Variants in NEK6 observed in about 807,000 individuals in gnomAD.
NEK6 encodes the protein NIMA related kinase 6.
Under a neutral mutation model 43.5 loss-of-function variants are expected in NEK6, and 27 were observed. The observed-to-expected ratio is 0.62, with a 90% CI of 0.46 to 0.86. The LOEUF is 0.86. Ranked by LOEUF, NEK6 falls within the 40% of genes least tolerant of loss-of-function variation. The pLI is 0.00. For missense variants in NEK6, 318 were observed against 414.4 expected (o/e 0.77, Z 2.02); for synonymous variants, 167 against 164.1 (o/e 1.02, Z -0.14).
chr9:124,291,764 C>T (rs1202003072), intron 1 of NEK6: 2 of 955,094 alleles, frequency 2.1e-6, no homozygotes, highest in South Asian at 4.8e-5. Context: ...CTACACTGGT[C>T]TAATCGGGTG....
At chr9:124,314,165 C>T (rs1241390866) in intron 4 of NEK6, among the ~76,000 whole-genome samples, 180 bp downstream of exon 4, 4 of 152,184 alleles carry the variant, frequency 2.6e-5, no homozygotes, top group Non-Finnish European at 5.9e-5. Flanking sequence ...CAGGCAGGAG[C>T]GGCCCGCCTC....
At chr9:124,313,793 AG>A (rs71490843) in intron 3 of NEK6, 129 bp from the exon 4 acceptor site, 312 of 819,414 alleles carry the variant, frequency 3.8e-4, no homozygotes, top group Non-Finnish European at 4.5e-4. Flanking sequence ...CTGGGAGTGC[AG>A]GGGGGGGTCA....
At chr9:124,299,912 C>A (rs1306757413) in intron 1 of NEK6, 1 of 152,124 alleles carries the variant, frequency 6.6e-6, no homozygotes, top group African/African-American at 2.4e-5. Context: ...CAGCGAGGGC[C>A]CCCCTGACCC....
chr9:124,287,053 G>A (rs1564623036), intron 1 of NEK6, among the ~76,000 whole-genome samples: 2 of 152,164 alleles, frequency 1.3e-5, no homozygotes, highest in East Asian at 1.9e-4. Flanking sequence ...CCCTGGCTGC[G>A]GGGGACAGAG....
intron 8 of NEK6, among the ~76,000 whole-genome samples, chr9:124,342,344 C>T (rs774201768): frequency 2.0e-5 from 3 of 152,218 alleles, no homozygotes; most frequent in African/African-American, 4.8e-5. Context: ...AATTAGAGCA[C>T]GTGTCTGTGT....
At chr9:124,271,993 G>A (rs1324189368) in intron 1 of NEK6, among the ~76,000 whole-genome samples, 3 of 152,246 alleles carry the variant, frequency 2.0e-5, no homozygotes, top group South Asian at 2.1e-4. Flanking sequence ...GCTTGTTACC[G>A]CCCACTCAGG....
intron 2 of NEK6, among the ~76,000 whole-genome samples, chr9:124,309,196 G>A (rs998781872): frequency 2.0e-5 from 3 of 152,190 alleles, no homozygotes; most frequent in Non-Finnish European, 4.4e-5. Context: ...CCCAGCACAC[G>A]TGCTCCATCT....
chr9:124,263,701 C>T (rs559095063), intron 1 of NEK6, among the ~76,000 whole-genome samples: 33 of 152,290 alleles, frequency 2.2e-4, no homozygotes, highest in South Asian at 4.1e-4. Context: ...AAGCAGGTGC[C>T]GGGGACCCCT....
chr9:124,313,081 G>T (rs1588498468), intron 3 of NEK6, among the ~76,000 whole-genome samples: 1 of 152,194 alleles, frequency 6.6e-6, no homozygotes, highest in South Asian at 2.1e-4. Flanking sequence ...CCTCCTAAAT[G>T]GAGGAAGTAG....
chr9:124,328,658 C>T (rs950432540), intron 7 of NEK6, among the ~76,000 whole-genome samples: 2 of 152,230 alleles, frequency 1.3e-5, no homozygotes, highest in African/African-American at 4.8e-5. Context: ...ATTGTCTGGG[C>T]GGAGGCACTT....
intron 1 of NEK6, among the ~76,000 whole-genome samples, chr9:124,291,598 C>T (rs1251831739): frequency 1.3e-5 from 2 of 152,250 alleles, no homozygotes; most frequent in African/African-American, 4.8e-5. Context: ...TGTACTCCAG[C>T]CTGGGCAACA....
Position 124,345,980 on chromosome 9 carries a change from A to G in NEK6, c.718-1729A>G, listed in dbSNP as rs186322311. Among the ~76,000 whole-genome samples, 20 of 152,146 alleles carry G rather than the reference A, an allele frequency of 1.3e-4. No individual in the cohort carries two copies. The East Asian group carries it at 2.3e-3, about 18-fold the overall frequency. Reference sequence around the variant, plus strand: ...ATGGGCAGGGCCTCTGCATCCTCACACTTCCCCTGCCTGGCCAGACCCTCC... The same window carrying G: ...ATGGGCAGGGCCTCTGCATCCTCACGCTTCCCCTGCCTGGCCAGACCCTCC... On this transcript the variant is annotated intron_variant, in intron 8 of 9. Coordinates refer to ENST00000320246, the MANE Select transcript of NEK6 (RefSeq NM_014397.6).
intron 4 of NEK6, among the ~76,000 whole-genome samples, chr9:124,317,568 G>A (rs1043099921): frequency 1.3e-5 from 2 of 152,144 alleles, no homozygotes; most frequent in African/African-American, 2.4e-5. Flanking sequence ...ACACATGCAG[G>A]TTTGTTACAA....
In NEK6 at chr9:124,351,148, C is replaced by CA. The variant is rs1830255944; in HGVS notation, c.*202dup. 1 of 541,162 alleles carries CA rather than the reference C, an allele frequency of 1.8e-6. No homozygotes were observed. Among genetic ancestry groups the CA allele is most frequent in the African/African-American group, 1.9e-5 (1 of 52,454 alleles). 33.5% of individuals were successfully genotyped at this position (541,162 alleles called of 1,614,324 possible). Reference sequence around the variant, plus strand: ...GCGCTGGCCACATGTCACTGATGGTCAGATTCCAAAGTCCTTTCTTTATAC... The same window carrying CA: ...GCGCTGGCCACATGTCACTGATGGTCAAGATTCCAAAGTCCTTTCTTTATAC... On this transcript the variant is annotated 3_prime_UTR_variant, in exon 10 of 10. Transcript: ENST00000320246.
intron 5 of NEK6, among the ~76,000 whole-genome samples, chr9:124,322,874 C>T (rs1299362913): frequency 1.3e-5 from 2 of 152,272 alleles, no homozygotes; most frequent in Admixed American, 6.5e-5. Flanking sequence ...TGGGAAGTGG[C>T]ATTACTTGAG....
At position 124,350,840 on chromosome 9, in the gene NEK6, C is replaced by A; in HGVS notation, c.835C>A (p.Arg279=). 6.2e-7 allele frequency: 1 copy of A among 1,610,670 alleles called. No homozygotes were observed. The highest frequency in any genetic ancestry group is 8.5e-7 in the Non-Finnish European group (1 of 1,178,024). The stretch of plus-strand genomic sequence containing the variant: ...CACACCATTCTCTCCCCTGCAGTTA[C>A]GAGAACTGGTCAGCATGTGCATCTG... The part of the protein sequence containing the change: ...LPGEHYSEKL[R]ELVSMCICPD... The change falls in exon 10 of 10, where the codon CGA becomes AGA. Residue 279 remains arginine (R), a synonymous_variant. Transcript: ENST00000320246.
At chr9:124,348,597 A>G (rs1830084541) in intron 9 of NEK6, among the ~76,000 whole-genome samples, 1 of 152,186 alleles carries the variant, frequency 6.6e-6, no homozygotes, top group Admixed American at 6.5e-5. Context: ...GGATAATATT[A>G]AATCTTCCAC....
chr9:124,299,102 G>A (rs539072699), intron 1 of NEK6, among the ~76,000 whole-genome samples: 163 of 152,246 alleles, frequency 1.1e-3, no homozygotes, highest in Non-Finnish European at 1.9e-3. Context: ...GGTCTCAGCT[G>A]GTGAGTGACA....
At chr9:124,322,380 G>A (rs946944700) in intron 5 of NEK6, among the ~76,000 whole-genome samples, 5 of 152,202 alleles carry the variant, frequency 3.3e-5, no homozygotes, top group African/African-American at 1.2e-4. Flanking sequence ...TTCACCATGA[G>A]TCTGGTGTCC....
Sources: gnomAD v4.1 joint callset for allele counts (sites outside exome capture counted in the v4.1 genomes callset) on GRCh38, gnomAD v4.1.1 for gene constraint, MANE v1.5 for transcripts, NCBI Gene and HGNC (gene_info 2026-07-23, HGNC 2026-07-21) for gene names.